CAPZB: variants seen among roughly 807,000 people sequenced by gnomAD.
The protein encoded by CAPZB is F-actin-capping protein subunit beta.
A neutral mutation model predicts 38.1 loss-of-function variants in CAPZB; 2 were observed. The ratio of observed to expected loss-of-function variants is 0.05; its 90% confidence interval spans 0.02 to 0.17. The LOEUF (loss-of-function observed/expected upper bound fraction) is 0.17, where lower values mean the gene tolerates loss of function less well. Among genes scored for constraint, CAPZB ranks in the 10% least tolerant of loss-of-function variants. CAPZB has a pLI of 1.00. For missense variants in CAPZB, 161 were observed against 334.2 expected (o/e 0.48, Z 4.04); for synonymous variants, 107 against 127.4 (o/e 0.84, Z 1.08).
chr1:19,408,762 A>G (rs1014816475), intron 2 of CAPZB, among the ~76,000 whole-genome samples: 2 of 152,174 alleles, frequency 1.3e-5, no homozygotes, highest in African/African-American at 4.8e-5. Flanking sequence ...GCAATTCCCA[A>G]AGCAAATTAG....
intron 4 of CAPZB, among the ~76,000 whole-genome samples, chr1:19,371,752 A>G (rs2094120637): frequency 6.6e-6 from 1 of 152,108 alleles, no homozygotes; most frequent in Non-Finnish European, 1.5e-5. Context: ...CAGTTCCTCC[A>G]CACTCACGTC....
chr1:19,450,171 A>G (rs894850929), intron 1 of CAPZB, among the ~76,000 whole-genome samples: 5 of 115,196 alleles, frequency 4.3e-5, no homozygotes, highest in African/African-American at 1.7e-4. Context: ...AAAAAAAAAG[A>G]AAAGAAAAGA....
intron 1 of CAPZB, chr1:19,484,647 G>C (rs1368044502): frequency 1.7e-6 from 2 of 1,169,284 alleles, no homozygotes; most frequent in Non-Finnish European, 2.1e-6. Flanking sequence ...CAAAGAAGGC[G>C]CGCCCCAGGT....
chr1:19,350,511 T>G (rs2093985949), intron 6 of CAPZB, among the ~76,000 whole-genome samples: 1 of 152,250 alleles, frequency 6.6e-6, no homozygotes, highest in African/African-American at 2.4e-5. Context: ...TCAGACGGCT[T>G]CCCAGGGAAA....
intron 1 of CAPZB, among the ~76,000 whole-genome samples, chr1:19,426,119 T>C (rs764207379): frequency 1.3e-5 from 2 of 152,102 alleles, no homozygotes; most frequent in Non-Finnish European, 2.9e-5. Flanking sequence ...ACTGGGGCCT[T>C]GTCACAAGAG....
At chr1:19,479,648 A>G (rs1261418237) in intron 1 of CAPZB, among the ~76,000 whole-genome samples, 2 of 152,058 alleles carry the variant, frequency 1.3e-5, no homozygotes, top group Non-Finnish European at 2.9e-5. Context: ...CAGGACCCTC[A>G]TAAGCTCACA....
At chr1:19,366,638 A>G (rs2094089919) in intron 4 of CAPZB, among the ~76,000 whole-genome samples, 1 of 152,112 alleles carries the variant, frequency 6.6e-6, no homozygotes, top group African/African-American at 2.4e-5. Context: ...TAGTGCCTTG[A>G]GATGGCGCCA....
chr1:19,385,271 T>C (rs1477384183), intron 3 of CAPZB, among the ~76,000 whole-genome samples: 1 of 152,196 alleles, frequency 6.6e-6, no homozygotes, highest in African/African-American at 2.4e-5. Context: ...CTATCTCTCA[T>C]GCTTGTGGGT....
intron 1 of CAPZB, among the ~76,000 whole-genome samples, chr1:19,434,258 A>G (rs1260525999): frequency 6.6e-6 from 1 of 152,218 alleles, no homozygotes; most frequent in African/African-American, 2.4e-5. Context: ...CTAGCAATTA[A>G]GGTCTGAATA....
intron 1 of CAPZB, among the ~76,000 whole-genome samples, chr1:19,437,917 G>A (rs912438048): frequency 6.6e-6 from 1 of 152,188 alleles, no homozygotes; most frequent in Non-Finnish European, 1.5e-5. Context: ...GTTTTCCTAG[G>A]CTCCTTCCTC....
intron 4 of CAPZB, among the ~76,000 whole-genome samples, chr1:19,363,191 C>A (rs1278219600): frequency 1.3e-5 from 2 of 151,828 alleles, no homozygotes; most frequent in African/African-American, 4.8e-5. Context: ...AAGTGATCCT[C>A]CTTCCCCAGC....
intron 1 of CAPZB, chr1:19,449,445 A>T (rs932450856): frequency 2.1e-6 from 1 of 479,918 alleles, no homozygotes; most frequent in Non-Finnish European, 2.7e-6. Context: ...TGGTATGTCC[A>T]CTCAGTGGAA....
intron 1 of CAPZB, among the ~76,000 whole-genome samples, chr1:19,464,141 C>G (rs1321659249): frequency 6.6e-6 from 1 of 151,198 alleles, no homozygotes; most frequent in Non-Finnish European, 1.5e-5. Flanking sequence ...GAGCCAAGAT[C>G]ATGCCACTGC....
At chr1:19,351,481 T>C (rs1192649289) in intron 6 of CAPZB, among the ~76,000 whole-genome samples, 2 of 152,104 alleles carry the variant, frequency 1.3e-5, no homozygotes, top group African/African-American at 4.8e-5. Flanking sequence ...CTTTTTGTTT[T>C]GTTGGGAGGG....
At chr1:19,382,977 C>T (rs2094183179) in intron 3 of CAPZB, among the ~76,000 whole-genome samples, 1 of 152,042 alleles carries the variant, frequency 6.6e-6, no homozygotes, top group Non-Finnish European at 1.5e-5. Context: ...CTGGTCCACC[C>T]ACTTCATCAG....
At chr1:19,343,576 C>T (rs1397910626) in intron 8 of CAPZB, among the ~76,000 whole-genome samples, 1 of 152,322 alleles carries the variant, frequency 6.6e-6, no homozygotes, top group African/African-American at 2.4e-5. Context: ...CCATGCAGCT[C>T]GGGATGACAG....
At chr1:19,449,145 C>T (rs926816965) in intron 1 of CAPZB, 1 of 1,366,968 alleles carries the variant, frequency 7.3e-7, no homozygotes, top group Non-Finnish European at 9.5e-7. Flanking sequence ...CGTAGAGTCT[C>T]TGTAAGGCTG....
intron 1 of CAPZB, among the ~76,000 whole-genome samples, chr1:19,471,814 C>T (rs896537215): frequency 4.8e-5 from 7 of 145,844 alleles, no homozygotes; most frequent in African/African-American, 1.6e-4. Flanking sequence ...TGCAGTGAGC[C>T]GAAATCGCTC....
intron 1 of CAPZB, among the ~76,000 whole-genome samples, chr1:19,446,179 C>A (rs1339767179): frequency 2.6e-5 from 4 of 152,146 alleles, no homozygotes; most frequent in African/African-American, 9.7e-5. Flanking sequence ...CGCTTTAAAG[C>A]CAGGCCAAAG....
Sources: allele counts gnomAD v4.1 joint callset (sites outside exome capture counted in the v4.1 genomes callset), GRCh38; gene constraint gnomAD v4.1.1; transcripts MANE v1.5; gene names NCBI Gene and HGNC (gene_info 2026-07-23, HGNC 2026-07-21).